Variants in HS3ST4 observed in about 807,000 individuals in gnomAD.
HS3ST4 encodes heparan sulfate-glucosamine 3-sulfotransferase 4, also known as heparan sulfate glucosamine 3-O-sulfotransferase 4.
In HS3ST4, 17 loss-of-function variants were observed where a neutral mutation model predicts 29.2. The observed-to-expected ratio is 0.58, with a 90% CI of 0.40 to 0.87. The LOEUF is 0.87. Among genes scored for constraint, HS3ST4 ranks in the 40% least tolerant of loss-of-function variants. The pLI is 0.00. For missense variants in HS3ST4, 627 were observed against 634.5 expected, an observed-to-expected ratio of 0.99 and a Z score of 0.13; for synonymous variants, 314 against 285.7, an observed-to-expected ratio of 1.10 and a Z score of -1.00.
intron 1 of HS3ST4, among the ~76,000 whole-genome samples, chr16:25,742,813 C>T (rs1174347658): frequency 6.6e-6 from 1 of 152,226 alleles, no homozygotes. Context: ...TGCTTCATAA[C>T]TTCCGTTGTC....
chr16:25,961,446 A>T (rs1466143346), intron 1 of HS3ST4, among the ~76,000 whole-genome samples: 2 of 152,220 alleles, frequency 1.3e-5, no homozygotes, highest in African/African-American at 4.8e-5. Flanking sequence ...ATTCACACTC[A>T]TGTGATTTAT....
chr16:25,999,377 T>A (rs1969185235), intron 1 of HS3ST4, among the ~76,000 whole-genome samples: 2 of 152,186 alleles, frequency 1.3e-5, no homozygotes, highest in South Asian at 4.1e-4. Flanking sequence ...CTTCTGCATC[T>A]GAGATTATTT....
At chr16:26,100,779 T>C (rs1472203317) in intron 1 of HS3ST4, among the ~76,000 whole-genome samples, 2 of 152,202 alleles carry the variant, frequency 1.3e-5, no homozygotes, top group African/African-American at 4.8e-5. Context: ...CATAAAGAGC[T>C]TTTGCTCCTC....
intron 1 of HS3ST4, among the ~76,000 whole-genome samples, chr16:25,720,361 G>A (rs1005161056): frequency 6.6e-6 from 1 of 152,174 alleles, no homozygotes; most frequent in African/African-American, 2.4e-5. Flanking sequence ...TAAGATGGGA[G>A]CCCTGGTGGG....
intron 1 of HS3ST4, among the ~76,000 whole-genome samples, chr16:25,929,255 C>T (rs1172247324): frequency 1.3e-5 from 2 of 151,762 alleles, no homozygotes; most frequent in Non-Finnish European, 2.9e-5. Flanking sequence ...GATGGTGCAC[C>T]CCTGTAGTCC....
chr16:25,789,833 G>C (rs1380587529), intron 1 of HS3ST4, among the ~76,000 whole-genome samples: 1 of 152,164 alleles, frequency 6.6e-6, no homozygotes. Flanking sequence ...GAATAGTAAA[G>C]TATATAATTC....
At chr16:25,885,489 C>A (rs1596602467) in intron 1 of HS3ST4, among the ~76,000 whole-genome samples, 1 of 152,070 alleles carries the variant, frequency 6.6e-6, no homozygotes, top group African/African-American at 2.4e-5. Context: ...TTGGGGCACT[C>A]CCCACCAAAC....
At chr16:25,863,184 A>G (rs1967656293) in intron 1 of HS3ST4, among the ~76,000 whole-genome samples, 1 of 152,150 alleles carries the variant, frequency 6.6e-6, no homozygotes, top group Non-Finnish European at 1.5e-5. Flanking sequence ...CCAGGGTTCA[A>G]GCAATTTTCC....
chr16:26,024,728 A>G (rs1337913061), intron 1 of HS3ST4, among the ~76,000 whole-genome samples: 1 of 152,180 alleles, frequency 6.6e-6, no homozygotes, highest in East Asian at 1.9e-4. Context: ...GCAAGACTCC[A>G]TCTCAAAAAA....
intron 1 of HS3ST4, among the ~76,000 whole-genome samples, chr16:26,103,549 A>G (rs932802393): frequency 4.0e-5 from 6 of 151,788 alleles, no homozygotes; most frequent in African/African-American, 1.5e-4. Context: ...CACCCACCCT[A>G]CTCCCTACAG....
intron 1 of HS3ST4, among the ~76,000 whole-genome samples, chr16:26,082,091 G>A (rs1171323255): frequency 6.6e-6 from 1 of 152,136 alleles, no homozygotes; most frequent in Non-Finnish European, 1.5e-5. Flanking sequence ...CACCGGACAC[G>A]GCCGGGAGTG....
chr16:25,738,064 C>G (rs1411373683), intron 1 of HS3ST4, among the ~76,000 whole-genome samples: 1 of 152,078 alleles, frequency 6.6e-6, no homozygotes, highest in African/African-American at 2.4e-5. Flanking sequence ...GCCACCACGC[C>G]CAGCTAGTAT....
intron 1 of HS3ST4, among the ~76,000 whole-genome samples, chr16:25,892,596 A>G (rs963025108): frequency 8.5e-5 from 13 of 152,206 alleles, no homozygotes; most frequent in Non-Finnish European, 1.5e-4. Context: ...CTTTGATTGC[A>G]GGTGACAGAA....
intron 1 of HS3ST4, among the ~76,000 whole-genome samples, chr16:25,989,675 G>A (rs549398098): frequency 2.0e-5 from 3 of 152,284 alleles, no homozygotes; most frequent in Admixed American, 1.3e-4. Flanking sequence ...CGTCTGCTCA[G>A]GGGTTCTTCA....
chr16:25,867,543 C>G (rs1967708823), intron 1 of HS3ST4, among the ~76,000 whole-genome samples: 1 of 152,066 alleles, frequency 6.6e-6, no homozygotes, highest in Non-Finnish European at 1.5e-5. Flanking sequence ...GTTGTATATC[C>G]TTTATCTTAG....
intron 1 of HS3ST4, among the ~76,000 whole-genome samples, chr16:25,995,345 C>T (rs1459425513): frequency 6.6e-6 from 1 of 152,140 alleles, no homozygotes; most frequent in Non-Finnish European, 1.5e-5. Flanking sequence ...AGGGACTCAA[C>T]CTATGCAGTT....
intron 1 of HS3ST4, among the ~76,000 whole-genome samples, chr16:25,796,036 A>G (rs16975225): frequency 0.022 from 3,336 of 151,996 alleles, 126 homozygotes; most frequent in African/African-American, 0.077. Flanking sequence ...GGTGCTGTTG[A>G]ATGCTGGTCT....
At chr16:25,705,980 A>AG (rs1966373334) in intron 1 of HS3ST4, among the ~76,000 whole-genome samples, 1 of 152,238 alleles carries the variant, frequency 6.6e-6, no homozygotes, top group Non-Finnish European at 1.5e-5. Flanking sequence ...GTTGCAGTCC[A>AG]GGGAGTACCT....
Position 25,872,153 on chromosome 16 carries a change from G to A in HS3ST4, c.734+179002G>A, listed in dbSNP as rs115488417. Among the ~76,000 whole-genome samples the A allele has an allele frequency of 4.0e-4, 61 of 152,298 alleles. 2 individuals carry two copies. Among genetic ancestry groups the A allele is most frequent in the African/African-American group, 1.4e-3 (57 of 41,560 alleles). ...TTAAAAAGTGACTGAATAAATAGGT[G>A]CATGCAAGCTGTCTCTCAAATCCCA... On this transcript the variant is annotated intron_variant, in intron 1 of 1. Coordinates refer to ENST00000331351, the MANE Select transcript of HS3ST4 (RefSeq NM_006040.3).
Sources: gnomAD v4.1 joint callset for allele counts (sites outside exome capture counted in the v4.1 genomes callset) on GRCh38, gnomAD v4.1.1 for gene constraint, MANE v1.5 for transcripts, NCBI Gene and HGNC (gene_info 2026-07-23, HGNC 2026-07-21) for gene names.